ZFAT: variants seen among roughly 807,000 people sequenced by gnomAD.
The protein encoded by ZFAT is zinc finger protein ZFAT.
In ZFAT, 64 loss-of-function variants were observed where a neutral mutation model predicts 117.7. The observed-to-expected ratio is 0.54, with a 90% confidence interval of 0.44 to 0.67. ZFAT has a LOEUF of 0.67. Ranked by LOEUF, ZFAT falls within the 30% of genes least tolerant of loss-of-function variation. The pLI is 0.00. For missense variants in ZFAT, 1,433 were observed against 1,584.5 expected (o/e 0.90, Z 1.62); for synonymous variants, 679 against 615.0 (o/e 1.10, Z -1.54).
chr8:134,614,037 C>G (rs1049022597), intron 3 of ZFAT, among the ~76,000 whole-genome samples: 1 of 152,206 alleles, frequency 6.6e-6, no homozygotes, highest in African/African-American at 2.4e-5. Flanking sequence ...AGTATCTTGA[C>G]TAACACACTC....
chr8:134,824,199 C>T, the ZFAT span, among the ~76,000 whole-genome samples: 5 of 152,048 alleles, frequency 3.3e-5, no homozygotes, highest in African/African-American at 9.7e-5. Flanking sequence ...GTTCCATGTG[C>T]GAAGGCATGC....
chr8:134,592,822 C>T (rs963234284), intron 7 of ZFAT, among the ~76,000 whole-genome samples: 1 of 152,154 alleles, frequency 6.6e-6, no homozygotes, highest in African/African-American at 2.4e-5. Flanking sequence ...GTGTACTTTA[C>T]ATTAAAAACC....
At chr8:134,574,086 G>A (rs1313198473) in intron 10 of ZFAT, among the ~76,000 whole-genome samples, 2 of 152,206 alleles carry the variant, frequency 1.3e-5, no homozygotes, top group East Asian at 1.9e-4. Flanking sequence ...CCAAACCTAC[G>A]AGAGTTCGAA....
intron 15 of ZFAT, among the ~76,000 whole-genome samples, chr8:134,501,824 C>G (rs1391011466): frequency 6.6e-6 from 1 of 152,202 alleles, no homozygotes; most frequent in Non-Finnish European, 1.5e-5. Context: ...ATTCCATTAA[C>G]TCACCAGTTA....
At chr8:134,794,759 C>G in the ZFAT span, 2 of 152,176 alleles carry the variant, frequency 1.3e-5, no homozygotes, top group Admixed American at 1.3e-4. Flanking sequence ...TTTAAAAACA[C>G]ACGTTAATTA....
intron 11 of ZFAT, among the ~76,000 whole-genome samples, chr8:134,552,903 A>C (rs1293903291): frequency 6.6e-6 from 1 of 152,242 alleles, no homozygotes. Flanking sequence ...AAATTTTGAC[A>C]TGCTTTCCAT....
chr8:134,577,589 T>C (rs1825398667), intron 10 of ZFAT, among the ~76,000 whole-genome samples: 2 of 152,208 alleles, frequency 1.3e-5, no homozygotes, highest in Admixed American at 1.3e-4. Flanking sequence ...CTTTACATTT[T>C]CCACTCATTC....
the ZFAT span, among the ~76,000 whole-genome samples, chr8:134,735,788 A>G: frequency 2.5e-4 from 38 of 152,280 alleles, no homozygotes; most frequent in East Asian, 6.7e-3. Flanking sequence ...GTATTATACC[A>G]TTTCCACCCA....
At chr8:134,650,877 C>T (rs1831195279) in intron 2 of ZFAT, among the ~76,000 whole-genome samples, 1 of 152,128 alleles carries the variant, frequency 6.6e-6, no homozygotes, top group Admixed American at 6.5e-5. Flanking sequence ...AATTTGGAAC[C>T]CTACCTCACA....
At chr8:134,779,096 A>G in the ZFAT span, among the ~76,000 whole-genome samples, 1 of 152,206 alleles carries the variant, frequency 6.6e-6, no homozygotes. Flanking sequence ...GGCTTAGATA[A>G]TTAAGTGTCT....
intron 7 of ZFAT, among the ~76,000 whole-genome samples, chr8:134,591,829 T>C (rs1363118270): frequency 6.6e-6 from 1 of 152,052 alleles, no homozygotes; most frequent in Non-Finnish European, 1.5e-5. Flanking sequence ...GACCACATCC[T>C]CCCCCACAGC....
At chr8:134,555,631 A>G (rs186691799) in intron 11 of ZFAT, among the ~76,000 whole-genome samples, 1 of 152,342 alleles carries the variant, frequency 6.6e-6, no homozygotes, top group East Asian at 1.9e-4. Flanking sequence ...AGGCATGCAA[A>G]GAAGCAAGAA....
intron 3 of ZFAT, among the ~76,000 whole-genome samples, chr8:134,629,697 C>T (rs1427797315): frequency 6.6e-6 from 1 of 152,194 alleles, no homozygotes; most frequent in African/African-American, 2.4e-5. Context: ...TCCTTGCTTC[C>T]CCTTCAACTT....
chr8:134,537,909 A>T (rs1318831820), intron 11 of ZFAT, among the ~76,000 whole-genome samples: 1 of 152,204 alleles, frequency 6.6e-6, no homozygotes, highest in Non-Finnish European at 1.5e-5. Context: ...CCAAGCTTCC[A>T]GTATGGATGG....
the ZFAT span, among the ~76,000 whole-genome samples, chr8:134,722,580 A>G: frequency 3.3e-5 from 5 of 152,200 alleles, no homozygotes; most frequent in African/African-American, 1.2e-4. Flanking sequence ...TGTCACCTCA[A>G]GTGTCTCAAA....
chr8:134,686,434 A>G (rs1833329021), intron 1 of ZFAT, among the ~76,000 whole-genome samples: 1 of 152,154 alleles, frequency 6.6e-6, no homozygotes, highest in African/African-American at 2.4e-5. Context: ...TTATGCAGTG[A>G]GTTCAGTTTG....
intron 15 of ZFAT, among the ~76,000 whole-genome samples, chr8:134,491,177 A>G (rs1818031265): frequency 6.6e-6 from 1 of 152,250 alleles, no homozygotes; most frequent in Admixed American, 6.5e-5. Context: ...GTAAACACAG[A>G]GTACTGAGTC....
chr8:134,648,838 C>T lies in ZFAT; in HGVS notation c.196+8723G>A, dbSNP rs190870366. Reference sequence around the variant, plus strand: ...AACCAAAGACATCAAAGACTCTAGACCAATATCTCTTATGAATATAAATGC... The same window carrying T: ...AACCAAAGACATCAAAGACTCTAGATCAATATCTCTTATGAATATAAATGC... On this transcript the variant is annotated intron_variant, in intron 2 of 15. Transcript: ENST00000377838. Among the ~76,000 whole-genome samples, 94 of 152,080 alleles carry T rather than the reference C, an allele frequency of 6.2e-4. 1 individual carries two copies. Among genetic ancestry groups the T allele is most frequent in the African/African-American group, 2.1e-3 (88 of 41,510 alleles).
chr8:134,634,653 A>T (rs560119243), intron 3 of ZFAT, among the ~76,000 whole-genome samples: 2 of 152,360 alleles, frequency 1.3e-5, no homozygotes, highest in African/African-American at 2.4e-5. Flanking sequence ...AAAAATTGAT[A>T]AAAACCTAAG....
Sources: allele counts gnomAD v4.1 joint callset (sites outside exome capture counted in the v4.1 genomes callset), GRCh38; gene constraint gnomAD v4.1.1; transcripts MANE v1.5; gene names NCBI Gene and HGNC (gene_info 2026-07-23, HGNC 2026-07-21).